ZNF782: variants seen among roughly 807,000 people sequenced by gnomAD.
ZNF782 encodes zinc finger protein 782.
ZNF782 carries 12 observed loss-of-function variants against 13.0 expected under a neutral mutation model. The observed-to-expected ratio is 0.92, with a 90% confidence interval of 0.59 to 1.50. The LOEUF (loss-of-function observed/expected upper bound fraction) is 1.50, where lower values mean the gene tolerates loss of function less well. Ranked by LOEUF, ZNF782 falls within the 40% of genes most tolerant of loss-of-function variation. The pLI is 0.00. For synonymous variants in ZNF782, 284 were observed against 283.0 expected (o/e 1.00, Z -0.04); for missense variants, 770 against 822.9 (o/e 0.94, Z 0.79).
the ZNF782 span, among the ~76,000 whole-genome samples, chr9:96,927,315 G>A: frequency 1.3e-5 from 2 of 152,002 alleles, no homozygotes; most frequent in Non-Finnish European, 2.9e-5. Context: ...TCTAACTCCT[G>A]GAGAAACCAG....
rs181012227 is a variant in ZNF782 at position 96,870,729 on chromosome 9, A to G, written c.-457+4739T>C. ...TTCTTTTATATTTTTCTTTCCCCCA[A>G]TATTGCTGCATATGCATTTAGCATC... On this transcript the variant is annotated intron_variant, in intron 1 of 5. Coordinates refer to the ZNF782 transcript ENST00000498811. Among the ~76,000 whole-genome samples the G allele has an allele frequency of 1.5e-3, 225 of 152,338 alleles. 2 individuals are homozygous for G. Among genetic ancestry groups the G allele is most frequent in the Admixed American group, 6.1e-3 (93 of 15,306 alleles).
At chr9:96,917,887 C>CGTGTGTGT in the ZNF782 span, among the ~76,000 whole-genome samples, 1,092 of 121,702 alleles carry the variant, frequency 9.0e-3, 56 homozygotes, top group African/African-American at 0.033. Flanking sequence ...CCACCCTTGG[C>CGTGTGTGT]GTGTGTGTGT....
the ZNF782 span, among the ~76,000 whole-genome samples, chr9:96,930,250 C>T: frequency 2.6e-5 from 4 of 152,064 alleles, no homozygotes; most frequent in South Asian, 2.1e-4. Flanking sequence ...CCTGGCCGGG[C>T]GCGGTGGCTC....
chr9:96,925,790 G>T, the ZNF782 span, among the ~76,000 whole-genome samples: 1 of 149,358 alleles, frequency 6.7e-6, no homozygotes, highest in Non-Finnish European at 1.5e-5. Context: ...CGTCTATGAC[G>T]GCCTAGGGCC....
At chr9:96,878,209 C>A (rs375285877), upstream of ZNF782, among the ~76,000 whole-genome samples, 7 of 152,118 alleles carry the variant, frequency 4.6e-5, no homozygotes, top group African/African-American at 1.7e-4. Flanking sequence ...CCACCACGCC[C>A]GGCTAATTGT....
At chr9:96,835,882 C>T (rs570570892) in intron 4 of ZNF782, among the ~76,000 whole-genome samples, 32 of 152,342 alleles carry the variant, frequency 2.1e-4, no homozygotes, top group African/African-American at 7.0e-4. Flanking sequence ...ACTGCAGAGT[C>T]TCCACTAAGG....
At chr9:96,932,978 C>CTTTTTTTTTTTT in the ZNF782 span, among the ~76,000 whole-genome samples, 1 of 129,444 alleles carries the variant, frequency 7.7e-6, no homozygotes, top group East Asian at 2.7e-4. Context: ...CTTTTCTTTT[C>CTTTTTTTTTTTT]TTTTTTTTTT....
chr9:96,843,668 G>T (rs1364836183), intron 4 of ZNF782, among the ~76,000 whole-genome samples: 1 of 152,146 alleles, frequency 6.6e-6, no homozygotes, highest in Non-Finnish European at 1.5e-5. Context: ...TTGTACCAGT[G>T]TCTATTTACT....
chr9:96,913,616 G>A, the ZNF782 span, among the ~76,000 whole-genome samples: 2 of 143,172 alleles, frequency 1.4e-5, no homozygotes, highest in Admixed American at 1.5e-4. Flanking sequence ...CTCCACCCCC[G>A]CAATTCAAGC....
chr9:96,871,213 A>G (rs1320010350), intron 1 of ZNF782, among the ~76,000 whole-genome samples: 2 of 152,236 alleles, frequency 1.3e-5, no homozygotes, highest in African/African-American at 2.4e-5. Flanking sequence ...TGTGCCCTCC[A>G]GAGCACTGAA....
the ZNF782 span, among the ~76,000 whole-genome samples, chr9:96,882,332 G>A: frequency 1.3e-5 from 2 of 152,104 alleles, no homozygotes; most frequent in African/African-American, 2.4e-5. Context: ...TCACCATAAA[G>A]CCATATTAGC....
upstream of ZNF782, among the ~76,000 whole-genome samples, chr9:96,879,574 G>A (rs1851937978): frequency 6.6e-6 from 1 of 152,202 alleles, no homozygotes. Context: ...CAAAGCCTGG[G>A]CAGAGTTGGT....
chr9:96,928,339 C>CGCCA, the ZNF782 span: 1 of 220,332 alleles, frequency 4.5e-6, no homozygotes, highest in Non-Finnish European at 9.0e-6. Context: ...GGAAGTAAGG[C>CGCCA]TGGCCTACTG....
the ZNF782 span, among the ~76,000 whole-genome samples, chr9:96,920,874 T>A: frequency 6.8e-6 from 1 of 147,410 alleles, no homozygotes; most frequent in Non-Finnish European, 1.5e-5. Context: ...AAGATCTCGC[T>A]ACTGCACTCC....
At position 96,827,224 on chromosome 9, in the gene ZNF782, G is replaced by A. The variant is rs769486987; in HGVS notation, c.143-43C>T. The A allele has an allele frequency of 9.3e-6, 13 of 1,403,916 alleles. No individual in the cohort carries two copies. The East Asian group carries it at 3.1e-4, about 33-fold the overall frequency. 87.0% of individuals were successfully genotyped at this position (1,403,916 alleles called of 1,614,324 possible). A position where few individuals can be genotyped will look rare whatever the true frequency, so the allele number is the denominator to read the frequency against. The stretch of plus-strand genomic sequence containing the variant: ...TTTAGCATTTGCATTAGTTGCATAG[G>A]TTCTACTGTTTCTGAATGTGAAGAA... On this transcript the variant is annotated intron_variant, in intron 4 of 5. Coordinates refer to ENST00000481138, the MANE Select transcript of ZNF782 (RefSeq NM_001001662.3).
the ZNF782 span, chr9:96,890,570 CTCAT>C: frequency 6.6e-6 from 1 of 152,270 alleles, no homozygotes; most frequent in Non-Finnish European, 1.5e-5. Flanking sequence ...CACCACCATA[CTCAT>C]TCAAATGACT....
the ZNF782 span, among the ~76,000 whole-genome samples, chr9:96,900,687 G>A: frequency 1.3e-5 from 2 of 152,224 alleles, no homozygotes. Context: ...ATTGCAGTGA[G>A]CTGAGATCGC....
the ZNF782 span, among the ~76,000 whole-genome samples, chr9:96,926,768 G>A: frequency 1.8e-4 from 28 of 151,386 alleles, no homozygotes; most frequent in Admixed American, 1.6e-3. Flanking sequence ...GGCCTGTTAC[G>A]TTTTCTGCAA....
rs1447809842 is a variant in ZNF782 at position 96,819,370 on chromosome 9, T to A, written c.653A>T (p.Asn218Ile). 1.9e-6 allele frequency: 3 copies of A among 1,603,078 alleles called. No homozygotes were observed. Among genetic ancestry groups the A allele is most frequent in the Non-Finnish European group, 2.6e-6 (3 of 1,175,958 alleles). Reference sequence around the variant, plus strand: ...TTCAAGAAAAGCTTTTCTACTTTCATTATATTCAAAATCTTGCCCCAGAGT... The same window carrying A: ...TTCAAGAAAAGCTTTTCTACTTTCAATATATTCAAAATCTTGCCCCAGAGT... ...IQTLGQDFEYNESRKAFLEKA... is the reference protein window; with the variant it reads ...IQTLGQDFEYIESRKAFLEKA... Residue 218 changes from asparagine (N) to isoleucine (I), a missense_variant, in exon 6 of 6, where the codon AAT (asparagine) becomes ATT (isoleucine). Asn to Ile is a moderately radical substitution (Grantham distance 149). Coordinates refer to ENST00000481138, the MANE Select transcript of ZNF782 (RefSeq NM_001001662.3).
Sources: allele counts gnomAD v4.1 joint callset (sites outside exome capture counted in the v4.1 genomes callset), GRCh38; gene constraint gnomAD v4.1.1; transcripts MANE v1.5; gene names NCBI Gene and HGNC (gene_info 2026-07-23, HGNC 2026-07-21).